The following BCL2L13 variants were observed in gnomAD, a reference collection of about 807,000 sequenced individuals.
The protein encoded by BCL2L13 is bcl-2-like protein 13.
A neutral mutation model predicts 25.8 loss-of-function variants in BCL2L13; 13 were observed. The ratio of observed to expected loss-of-function variants is 0.50; its 90% CI spans 0.33 to 0.80. The LOEUF (loss-of-function observed/expected upper bound fraction) is 0.80. Ranked by LOEUF, BCL2L13 falls within the 30% of genes least tolerant of loss-of-function variation. The pLI, the probability that BCL2L13 is intolerant of heterozygous loss-of-function variation, is 0.02. For synonymous variants in BCL2L13, 244 were observed against 230.3 expected (o/e 1.06, Z -0.54); for missense variants, 504 against 574.9 (o/e 0.88, Z 1.26).
chr22:17,635,361 C>A (rs929358887), upstream of BCL2L13, among the ~76,000 whole-genome samples: 2 of 152,138 alleles, frequency 1.3e-5, no homozygotes, highest in Non-Finnish European at 2.9e-5. Flanking sequence ...CATGGTGAAA[C>A]CCCATCTCTA....
chr22:17,650,981 C>T (rs2058663246), intron 1 of BCL2L13, among the ~76,000 whole-genome samples: 1 of 147,940 alleles, frequency 6.8e-6, no homozygotes, highest in South Asian at 2.1e-4. Flanking sequence ...ACCTCGTCGT[C>T]CATTCACTCC....
At chr22:17,647,484 A>G (rs999166712) in intron 1 of BCL2L13, among the ~76,000 whole-genome samples, 4 of 151,750 alleles carry the variant, frequency 2.6e-5, no homozygotes, top group Admixed American at 2.6e-4. Flanking sequence ...TTCTTTCAGT[A>G]CTCTGGATCT....
intron 1 of BCL2L13, among the ~76,000 whole-genome samples, chr22:17,645,275 G>C (rs1199141523): frequency 1.4e-5 from 2 of 140,912 alleles, no homozygotes; most frequent in African/African-American, 5.6e-5. Context: ...TGTCACACAG[G>C]CTGGAGTGCA....
rs768488873 is a variant in BCL2L13, at chr22:17,646,955, A to ATATATATT, written c.-51+8070_-51+8071insATATATTT. ...TACATATATATATATATATATATATATTTTTTTTTTTTTTTTTTTTTTTTC... is the reference window on the plus strand; with the variant it reads ...TACATATATATATATATATATATATATATATATTTTTTTTTTTTTTTTTTTTTTTTTTC... On this transcript the variant is annotated intron_variant, in intron 1 of 6. Coordinates refer to ENST00000317582, the MANE Select transcript of BCL2L13 (RefSeq NM_015367.4). 2.6e-3 allele frequency among the ~76,000 whole-genome samples: 57 copies of ATATATATT among 22,186 alleles called. 1 individual carries two copies. The highest frequency in any genetic ancestry group is 5.5e-3 in the East Asian group (1 of 182). 14.6% of individuals were successfully genotyped at this position (22,186 alleles called of 152,430 possible). A position where few individuals can be genotyped will look rare whatever the true frequency, so the allele number is the denominator to read the frequency against.
At chr22:17,676,994 T>C (rs1299651418) in intron 2 of BCL2L13, among the ~76,000 whole-genome samples, 1 of 152,218 alleles carries the variant, frequency 6.6e-6, no homozygotes, top group Non-Finnish European at 1.5e-5. Context: ...GTAAGTGAAA[T>C]GTCATTAAGC....
intron 2 of BCL2L13, among the ~76,000 whole-genome samples, chr22:17,674,596 A>C (rs2059519902): frequency 1.1e-5 from 1 of 95,164 alleles, no homozygotes; most frequent in Non-Finnish European, 2.1e-5. Context: ...ACCGTGTGAG[A>C]CTCTGTCTCA....
In BCL2L13 at chr22:17,639,711, G is replaced by T. The variant is rs552364917; in HGVS notation, c.-51+825G>T. ...CCTCCCTCCTTACTTTTATTTTTTT[G>T]TTGTTGTTGCGTAAAACAAAACAAA... On this transcript the variant is annotated intron_variant, in intron 1 of 6. Coordinates refer to ENST00000317582, the MANE Select transcript of BCL2L13 (RefSeq NM_015367.4). 8.5e-5 allele frequency among the ~76,000 whole-genome samples: 13 copies of T among 152,124 alleles called. No individual in the cohort carries two copies. In the East Asian group the frequency reaches 2.1e-3, roughly 25 times the overall value.
In BCL2L13 at chr22:17,727,241, A is replaced by G; in HGVS notation, c.1165A>G (p.Thr389Ala). ...ELDEEEVKAA[T>A]TEPTEVEEVV... ...TGATGAAGAAGAGGTGAAAGCAGCA[A>G]CAACTGAACCTACTGAAGTGGAGGA... Residue 389 changes from threonine to alanine, a missense_variant, in exon 7 of 7, where the codon ACA becomes GCA. Coordinates refer to ENST00000317582, the MANE Select transcript of BCL2L13 (RefSeq NM_015367.4). 2 of 1,614,250 alleles carry G rather than the reference A, an allele frequency of 1.2e-6. No individual in the cohort carries two copies. The highest frequency in any genetic ancestry group is 1.7e-6 in the Non-Finnish European group (2 of 1,180,046).
At chr22:17,686,109 G>A (rs559925972) in intron 3 of BCL2L13, among the ~76,000 whole-genome samples, 6 of 151,860 alleles carry the variant, frequency 4.0e-5, no homozygotes, top group East Asian at 3.9e-4. Context: ...TATAAATTAT[G>A]TTCATAACTC....
At chr22:17,654,436 T>G (rs1420394045) in intron 1 of BCL2L13, among the ~76,000 whole-genome samples, 1 of 150,986 alleles carries the variant, frequency 6.6e-6, no homozygotes, top group Non-Finnish European at 1.5e-5. Flanking sequence ...CTTCTGTTTT[T>G]TTTTGAGATG....
At chr22:17,628,886 C>T (rs911132754), upstream of BCL2L13, 3 of 567,344 alleles carry the variant, frequency 5.3e-6, no homozygotes, top group African/African-American at 3.8e-5. Context: ...CCTTCTACGT[C>T]GCTGACTCGT....
chr22:17,674,884 C>G (rs1231177361), intron 2 of BCL2L13, among the ~76,000 whole-genome samples: 2 of 38,232 alleles, frequency 5.2e-5, no homozygotes, highest in Non-Finnish European at 1.0e-4. Context: ...TTTAATGTGG[C>G]TTATGATGCA....
chr22:17,670,160 G>A (rs2059370927), intron 2 of BCL2L13, among the ~76,000 whole-genome samples: 1 of 152,010 alleles, frequency 6.6e-6, no homozygotes, highest in South Asian at 2.1e-4. Context: ...TTTTATTGCT[G>A]TAGCTTTGTA....
intron 1 of BCL2L13, among the ~76,000 whole-genome samples, chr22:17,645,761 C>A (rs1467260177): frequency 6.6e-6 from 1 of 151,416 alleles, no homozygotes; most frequent in Non-Finnish European, 1.5e-5. Flanking sequence ...CAAATGAATA[C>A]ATAAACACAG....
At chr22:17,697,038 C>T (rs1051900905) in intron 5 of BCL2L13, among the ~76,000 whole-genome samples, 20 of 151,826 alleles carry the variant, frequency 1.3e-4, no homozygotes, top group African/African-American at 4.6e-4. Flanking sequence ...GACATGTGAC[C>T]TTATGTACCT....
In BCL2L13 at chr22:17,638,965, C is replaced by T. The variant is rs116740747; in HGVS notation, c.-51+79C>T. ...CCTGGGTAGGAAAGTGCCCAGAGAC[C>T]GTATCGAGCCACCGACTCCCCAGTG... is the stretch of plus-strand genomic sequence containing the variant. On this transcript the variant is annotated intron_variant, in intron 1 of 6. Transcript: ENST00000317582. 6.2e-4 allele frequency: 697 copies of T among 1,130,086 alleles called. 3 individuals are homozygous for T. In the African/African-American group the frequency reaches 0.01, roughly 17 times the overall value. 70.0% of individuals were successfully genotyped at this position (1,130,086 alleles called of 1,614,324 possible).
intron 4 of BCL2L13, among the ~76,000 whole-genome samples, chr22:17,693,151 T>C (rs1037243959): frequency 1.3e-5 from 2 of 151,892 alleles, no homozygotes; most frequent in Non-Finnish European, 1.5e-5. Flanking sequence ...TCTTAGCTTT[T>C]CTGAGCTTTG....
Position 17,727,429 on chromosome 22 carries a change from C to T in BCL2L13, c.1353C>T (p.Pro451=), listed in dbSNP as rs763440210. 5 of 1,614,126 alleles carry T rather than the reference C, an allele frequency of 3.1e-6. No individual in the cohort carries two copies. The highest frequency in any genetic ancestry group is 4.5e-5 in the East Asian group (2 of 44,894). ...TGTCCCCCGCCGGTGAGATGAAGCC[C>T]ATGCCGCTGTCTGAGGGCAAGTCTA... ...SRLSPAGEMK[P]MPLSEGKSIL... Residue 451 remains proline, a synonymous_variant, in exon 7 of 7, where the codon CCC becomes CCT. Transcript: ENST00000317582.
intron 2 of BCL2L13, among the ~76,000 whole-genome samples, chr22:17,657,275 G>A (rs1319508581): frequency 6.6e-6 from 1 of 152,134 alleles, no homozygotes; most frequent in African/African-American, 2.4e-5. Flanking sequence ...ATCCACAATG[G>A]GGATTGTTTG....
Sources: allele counts gnomAD v4.1 joint callset (sites outside exome capture counted in the v4.1 genomes callset), GRCh38; gene constraint gnomAD v4.1.1; transcripts MANE v1.5; gene names NCBI Gene and HGNC (gene_info 2026-07-23, HGNC 2026-07-21).